Variants in HSD17B12 observed in about 807,000 individuals in gnomAD.
The protein encoded by HSD17B12 is hydroxysteroid 17-beta dehydrogenase 12.
A neutral mutation model predicts 39.3 loss-of-function variants in HSD17B12; 32 were observed. The observed-to-expected ratio is 0.81, with a 90% CI of 0.61 to 1.09. The LOEUF (loss-of-function observed/expected upper bound fraction) is 1.09, where lower values mean the gene tolerates loss of function less well. Ranked by LOEUF, HSD17B12 falls within the 50% of genes least tolerant of loss-of-function variation. HSD17B12 has a pLI of 0.00. For synonymous variants in HSD17B12, 150 were observed against 146.7 expected, an observed-to-expected ratio of 1.02 and a Z score of -0.16; for missense variants, 342 against 382.9, an observed-to-expected ratio of 0.89 and a Z score of 0.89.
the HSD17B12 span, among the ~76,000 whole-genome samples, chr11:43,567,412 G>A: frequency 6.6e-6 from 1 of 152,158 alleles, no homozygotes; most frequent in Non-Finnish European, 1.5e-5. Context: ...AAAAACACCT[G>A]GATTACCTGA....
At chr11:43,780,376 C>G (rs1369872425) in intron 3 of HSD17B12, among the ~76,000 whole-genome samples, 1 of 152,088 alleles carries the variant, frequency 6.6e-6, no homozygotes, top group Admixed American at 6.6e-5. Context: ...CCATGTTGAC[C>G]AGGCTGATCT....
At chr11:43,796,442 C>A (rs1950917222) in intron 3 of HSD17B12, among the ~76,000 whole-genome samples, 1 of 152,082 alleles carries the variant, frequency 6.6e-6, no homozygotes, top group Admixed American at 6.6e-5. Flanking sequence ...GTACATGATT[C>A]TGGGAAATCT....
At chr11:43,655,802 C>T in the HSD17B12 span, among the ~76,000 whole-genome samples, 135,661 of 152,042 alleles carry the variant, frequency 0.89, 61,830 homozygotes, top group Non-Finnish European at 0.98. Context: ...CTGGATTTGG[C>T]TTGCCAGTAT....
intron 4 of HSD17B12, among the ~76,000 whole-genome samples, chr11:43,811,184 G>T (rs572312711): frequency 1.3e-5 from 2 of 152,140 alleles, no homozygotes; most frequent in Admixed American, 1.3e-4. Context: ...TAAAATTGCC[G>T]TGGGTTTGCT....
chr11:43,663,896 C>T, the HSD17B12 span, among the ~76,000 whole-genome samples: 4 of 151,206 alleles, frequency 2.6e-5, no homozygotes, highest in Non-Finnish European at 5.9e-5. Context: ...GGAGTCTCGC[C>T]CTGTTGCCCA....
intron 3 of HSD17B12, among the ~76,000 whole-genome samples, chr11:43,787,369 T>C (rs899423645): frequency 5.3e-5 from 8 of 152,210 alleles, no homozygotes; most frequent in Non-Finnish European, 1.2e-4. Context: ...CTGTTTTCTG[T>C]GTTGAACAGA....
chr11:43,597,181 T>C, the HSD17B12 span, among the ~76,000 whole-genome samples: 1 of 152,222 alleles, frequency 6.6e-6, no homozygotes, highest in African/African-American at 2.4e-5. Context: ...GAAGGAATGC[T>C]TCATTCCCAT....
At chr11:43,556,747 G>A in the HSD17B12 span, among the ~76,000 whole-genome samples, 5 of 134,756 alleles carry the variant, frequency 3.7e-5, no homozygotes, top group African/African-American at 1.1e-4. Context: ...GGCACTGAAC[G>A]CGAACTGTTT....
At chr11:43,655,422 G>A in the HSD17B12 span, among the ~76,000 whole-genome samples, 3 of 152,042 alleles carry the variant, frequency 2.0e-5, no homozygotes, top group East Asian at 3.9e-4. Flanking sequence ...GATTGCCCTC[G>A]CCAGAACTTC....
rs182776402 is a variant in HSD17B12, at chr11:43,759,991, G to A, written c.283+5870G>A. ...GCTCACTGCAACCTACGTCTCCCAG[G>A]TTCAAGCAATTCTTGTGCCTCAGCC... On this transcript the variant is annotated intron_variant, in intron 3 of 10. Coordinates refer to ENST00000278353, the MANE Select transcript of HSD17B12 (RefSeq NM_016142.3). 2.0e-5 allele frequency among the ~76,000 whole-genome samples: 3 copies of A among 152,046 alleles called. No individual in the cohort carries two copies. In the East Asian group the frequency reaches 5.8e-4, roughly 30 times the overall value.
At chr11:43,673,571 C>T in the HSD17B12 span, among the ~76,000 whole-genome samples, 1 of 145,926 alleles carries the variant, frequency 6.9e-6, no homozygotes, top group African/African-American at 2.5e-5. Context: ...CAGCTCACTG[C>T]ATCCTCCGCC....
chr11:43,570,193 G>A, the HSD17B12 span: 12 of 152,562 alleles, frequency 7.9e-5, no homozygotes, highest in African/African-American at 2.7e-4. Flanking sequence ...TGAGTGTGAT[G>A]TAATTGAAAC....
chr11:43,586,586 G>A, the HSD17B12 span, among the ~76,000 whole-genome samples: 3 of 152,114 alleles, frequency 2.0e-5, no homozygotes, highest in African/African-American at 4.8e-5. Flanking sequence ...TCATAAGGAG[G>A]TTTCAAACCC....
intron 3 of HSD17B12, among the ~76,000 whole-genome samples, chr11:43,756,023 C>T (rs1950504837): frequency 6.6e-6 from 1 of 152,114 alleles, no homozygotes; most frequent in African/African-American, 2.4e-5. Context: ...ACCATCAGAT[C>T]TCATGAGACT....
At chr11:43,681,066 T>C (rs967073985) in intron 1 of HSD17B12, 79 bp downstream of exon 1, 1 of 1,427,594 alleles carries the variant, frequency 7.0e-7, no homozygotes, top group East Asian at 2.7e-5. Context: ...AGTTCTGGGG[T>C]CTGCTCCTGG....
At chr11:43,636,391 T>C in the HSD17B12 span, among the ~76,000 whole-genome samples, 32 of 152,322 alleles carry the variant, frequency 2.1e-4, no homozygotes, top group African/African-American at 7.7e-4. Flanking sequence ...TCTTGATTCC[T>C]TGGAGTTTGC....
At chr11:43,605,517 C>T in the HSD17B12 span, among the ~76,000 whole-genome samples, 5 of 149,950 alleles carry the variant, frequency 3.3e-5, no homozygotes, top group Middle Eastern at 3.5e-3. Context: ...GCCAAGATCA[C>T]GCCATTGCAC....
At chr11:43,722,808 C>T (rs1214120891) in intron 1 of HSD17B12, among the ~76,000 whole-genome samples, 2 of 148,528 alleles carry the variant, frequency 1.3e-5, no homozygotes, top group African/African-American at 5.0e-5. Flanking sequence ...GAGACCACAC[C>T]ATTGCACTCC....
At chr11:43,688,744 G>A (rs553085838) in intron 1 of HSD17B12, among the ~76,000 whole-genome samples, 9 of 152,314 alleles carry the variant, frequency 5.9e-5, no homozygotes, top group African/African-American at 2.2e-4. Flanking sequence ...TTTGGAGTCA[G>A]TGGGCAAGCT....
Sources: gnomAD v4.1 joint callset for allele counts (sites outside exome capture counted in the v4.1 genomes callset) on GRCh38, gnomAD v4.1.1 for gene constraint, MANE v1.5 for transcripts, NCBI Gene and HGNC (gene_info 2026-07-23, HGNC 2026-07-21) for gene names.